ZNF804A: variants seen among roughly 807,000 people sequenced by gnomAD.
ZNF804A encodes zinc finger protein 804A.
A neutral mutation model predicts 16.5 loss-of-function variants in ZNF804A; 2 were observed. The observed-to-expected ratio is 0.12, with a 90% confidence interval of 0.05 to 0.38. The LOEUF is 0.38. ZNF804A is among the 10% of genes least tolerant of loss of function. The probability of loss-of-function intolerance (pLI) is 0.99; values close to 1 mark genes in which losing one functional copy is unlikely to be tolerated. For synonymous variants in ZNF804A, 534 were observed against 489.6 expected (o/e 1.09, Z -1.20); for missense variants, 1,473 against 1,390.7 (o/e 1.06, Z -0.94).
chr2:184,648,360 C>A (rs1331111894), intron 1 of ZNF804A, among the ~76,000 whole-genome samples: 1 of 152,106 alleles, frequency 6.6e-6, no homozygotes, highest in Non-Finnish European at 1.5e-5. Flanking sequence ...AATAGAAACT[C>A]AAGACCAACC....
At chr2:184,858,850 G>T (rs942989422) in intron 1 of ZNF804A, among the ~76,000 whole-genome samples, 6 of 152,100 alleles carry the variant, frequency 3.9e-5, no homozygotes, top group African/African-American at 1.4e-4. Context: ...CAAGTCTAAT[G>T]ATAAGTTAAC....
At chr2:184,872,265 A>G (rs1040587336) in intron 2 of ZNF804A, among the ~76,000 whole-genome samples, 6 of 152,128 alleles carry the variant, frequency 3.9e-5, no homozygotes, top group African/African-American at 7.2e-5. Flanking sequence ...GAAATACCAA[A>G]CACATTCTTT....
At chr2:184,600,881 C>T (rs1373167055) in intron 1 of ZNF804A, among the ~76,000 whole-genome samples, 1 of 152,036 alleles carries the variant, frequency 6.6e-6, no homozygotes, top group Non-Finnish European at 1.5e-5. Context: ...TCTAGATTTA[C>T]CATTGTAACC....
intron 1 of ZNF804A, among the ~76,000 whole-genome samples, chr2:184,828,861 TA>T (rs908094592): frequency 2.6e-5 from 4 of 151,894 alleles, no homozygotes; most frequent in African/African-American, 9.7e-5. Context: ...GATAGGTCAC[TA>T]AAACTATTCT....
At chr2:184,729,256 A>G (rs1004253921) in intron 1 of ZNF804A, among the ~76,000 whole-genome samples, 2 of 151,962 alleles carry the variant, frequency 1.3e-5, no homozygotes, top group Non-Finnish European at 2.9e-5. Flanking sequence ...CAATGCATAT[A>G]TATATATTAA....
intron 1 of ZNF804A, among the ~76,000 whole-genome samples, chr2:184,622,424 A>G (rs774921956): frequency 5.9e-5 from 9 of 151,762 alleles, no homozygotes; most frequent in Non-Finnish European, 1.2e-4. Context: ...ACCTGGGAAA[A>G]TGGAGCTTAT....
At chr2:184,618,210 T>G (rs1456909280) in intron 1 of ZNF804A, among the ~76,000 whole-genome samples, 3 of 152,146 alleles carry the variant, frequency 2.0e-5, no homozygotes, top group African/African-American at 7.2e-5. Context: ...ATGGTTTAAT[T>G]TGCAAAAATA....
intron 1 of ZNF804A, among the ~76,000 whole-genome samples, chr2:184,748,569 C>G (rs1347208451): frequency 1.3e-5 from 2 of 151,396 alleles, no homozygotes; most frequent in African/African-American, 2.4e-5. Context: ...TTCTCCCACC[C>G]TACAGATTGT....
At chr2:184,923,232 A>G (rs895028480) in intron 2 of ZNF804A, among the ~76,000 whole-genome samples, 1 of 151,830 alleles carries the variant, frequency 6.6e-6, no homozygotes, top group Non-Finnish European at 1.5e-5. Flanking sequence ...TCTTACATCA[A>G]TGTTTTATAG....
intron 1 of ZNF804A, among the ~76,000 whole-genome samples, chr2:184,650,472 A>G (rs1023942264): frequency 6.6e-6 from 1 of 152,132 alleles, no homozygotes; most frequent in African/African-American, 2.4e-5. Flanking sequence ...CAATCAGACA[A>G]GAGAATGGAG....
intron 1 of ZNF804A, among the ~76,000 whole-genome samples, chr2:184,788,951 G>A (rs930611794): frequency 1.3e-5 from 2 of 151,950 alleles, no homozygotes; most frequent in Non-Finnish European, 2.9e-5. Flanking sequence ...TCCTCATTCA[G>A]CATGATATTG....
chr2:184,901,746 T>C (rs985183083), intron 2 of ZNF804A, among the ~76,000 whole-genome samples: 1 of 152,002 alleles, frequency 6.6e-6, no homozygotes, highest in African/African-American at 2.4e-5. Flanking sequence ...ATCTAGGAGG[T>C]AATGCATTTT....
chr2:184,612,575 C>T (rs1040913844), intron 1 of ZNF804A, among the ~76,000 whole-genome samples: 6 of 151,894 alleles, frequency 4.0e-5, no homozygotes, highest in Non-Finnish European at 5.9e-5. Context: ...GCTGGGATTA[C>T]AGGCTCCCAC....
At chr2:184,828,149 T>C (rs1558974270) in intron 1 of ZNF804A, among the ~76,000 whole-genome samples, 1 of 151,854 alleles carries the variant, frequency 6.6e-6, no homozygotes, top group Non-Finnish European at 1.5e-5. Flanking sequence ...CAATATTTTA[T>C]TTATTCCAAA....
chr2:184,655,328 C>A (rs1559118674), intron 1 of ZNF804A, among the ~76,000 whole-genome samples: 1 of 152,100 alleles, frequency 6.6e-6, no homozygotes, highest in Non-Finnish European at 1.5e-5. Flanking sequence ...TGGTCTGAGA[C>A]AAACACTGTC....
At chr2:184,637,737 T>G (rs1246846500) in intron 1 of ZNF804A, among the ~76,000 whole-genome samples, 1 of 152,208 alleles carries the variant, frequency 6.6e-6, no homozygotes, top group Non-Finnish European at 1.5e-5. Flanking sequence ...AAGCTATTTA[T>G]TTTGAACTAG....
At chr2:184,932,408 G>A (rs146438783) in intron 2 of ZNF804A, among the ~76,000 whole-genome samples, 114 of 152,302 alleles carry the variant, frequency 7.5e-4, no homozygotes, top group Middle Eastern at 3.4e-3. Flanking sequence ...GCAAAGTCAC[G>A]TCTTACATGG....
intron 2 of ZNF804A, among the ~76,000 whole-genome samples, chr2:184,891,954 G>A (rs1017205034): frequency 6.6e-6 from 1 of 151,996 alleles, no homozygotes; most frequent in Non-Finnish European, 1.5e-5. Context: ...AACCAAAACT[G>A]CTTGTATTAG....
intron 1 of ZNF804A, among the ~76,000 whole-genome samples, chr2:184,733,700 A>G (rs1303290200): frequency 6.6e-6 from 1 of 152,198 alleles, no homozygotes; most frequent in Non-Finnish European, 1.5e-5. Context: ...TTTATTTAAT[A>G]GATGGAAGCT....
Sources: allele counts gnomAD v4.1 joint callset (sites outside exome capture counted in the v4.1 genomes callset), GRCh38; gene constraint gnomAD v4.1.1; transcripts MANE v1.5; gene names NCBI Gene and HGNC (gene_info 2026-07-23, HGNC 2026-07-21).